The following UMAD1 variants were observed in gnomAD, a reference collection of about 807,000 sequenced individuals.
UMAD1 encodes UBAP1-MVB12-associated (UMA)-domain containing protein 1.
Under a neutral mutation model 6.1 loss-of-function variants are expected in UMAD1, and 8 were observed. That is an observed-to-expected ratio of 1.30 (90% CI 0.76 to 2.35). The LOEUF (loss-of-function observed/expected upper bound fraction) is 2.35, where lower values mean the gene tolerates loss of function less well. Ranked by LOEUF, UMAD1 falls within the 30% of genes most tolerant of loss-of-function variation. The pLI, the probability that UMAD1 is intolerant of heterozygous loss-of-function variation, is 0.00. For missense variants in UMAD1, 130 were observed against 78.4 expected, an observed-to-expected ratio of 1.66 and a Z score of -2.49; for synonymous variants, 56 against 31.4, an observed-to-expected ratio of 1.78 and a Z score of -2.61.
intron 3 of UMAD1, among the ~76,000 whole-genome samples, chr7:7,821,054 A>G (rs1783231934): frequency 6.6e-6 from 1 of 152,200 alleles, no homozygotes; most frequent in Non-Finnish European, 1.5e-5. Context: ...TTTTAGTGGT[A>G]TAGCTTTCTG....
chr7:7,849,676 T>C (rs66494541), intron 3 of UMAD1, among the ~76,000 whole-genome samples: 10,738 of 152,238 alleles, frequency 0.071, 468 homozygotes, highest in Admixed American at 0.15. Context: ...GAGTTTACCA[T>C]TTAGTAGGAG....
At chr7:7,863,368 T>G (rs1784149776) in intron 3 of UMAD1, among the ~76,000 whole-genome samples, 1 of 152,218 alleles carries the variant, frequency 6.6e-6, no homozygotes, top group South Asian at 2.1e-4. Flanking sequence ...ATACAAATGT[T>G]ATTTGTTATT....
In UMAD1 at chr7:7,644,919, T is replaced by C. The variant is rs540327077; in HGVS notation, c.-64+4098T>C. Reference sequence around the variant, plus strand: ...GATGTATTTCAGGAAAAGTAACACCTGAATGTCAACTCTTACTATCCTTGA... The same window carrying C: ...GATGTATTTCAGGAAAAGTAACACCCGAATGTCAACTCTTACTATCCTTGA... On this transcript the variant is annotated intron_variant, in intron 1 of 3. Coordinates refer to ENST00000682710, the MANE Select transcript of UMAD1 (RefSeq NM_001302348.2). 6.4e-4 allele frequency among the ~76,000 whole-genome samples: 97 copies of C among 152,348 alleles called. 1 individual carries two copies. The highest frequency in any genetic ancestry group is 6.8e-3 in the Middle Eastern group (2 of 294).
intron 2 of UMAD1, among the ~76,000 whole-genome samples, chr7:7,738,331 G>A (rs1261312482): frequency 6.6e-6 from 1 of 152,174 alleles, no homozygotes; most frequent in Non-Finnish European, 1.5e-5. Context: ...ATAAATCATT[G>A]CTGTATTCAT....
chr7:7,686,446 A>T (rs1272193802), intron 2 of UMAD1, among the ~76,000 whole-genome samples: 1 of 152,144 alleles, frequency 6.6e-6, no homozygotes, highest in Non-Finnish European at 1.5e-5. Context: ...TTTATTGACA[A>T]TTTTTTAAAA....
In UMAD1 at chr7:7,841,800, T is replaced by C. The variant is rs1406614262; in HGVS notation, c.157-35481T>C. Among the ~76,000 whole-genome samples the C allele has an allele frequency of 3.3e-5, 5 of 152,216 alleles. 1 individual carries two copies. Among genetic ancestry groups the C allele is most frequent in the South Asian group, 4.1e-4 (2 of 4,826 alleles). On this transcript the variant is annotated intron_variant, in intron 3 of 3. Transcript: ENST00000682710. ...GAGTAATGAGATACATCTCTCTCTT[T>C]ATATCCAACCAGATTTTAGCTTGCT...
At chr7:7,698,815 C>T (rs1469901115) in intron 2 of UMAD1, among the ~76,000 whole-genome samples, 3 of 151,916 alleles carry the variant, frequency 2.0e-5, no homozygotes, top group African/African-American at 7.3e-5. Flanking sequence ...GAGCCAAAAA[C>T]CAGACCATGA....
rs543414008 is a variant in UMAD1, at chr7:7,839,631, C to T, written c.157-37650C>T. Among the ~76,000 whole-genome samples the T allele has an allele frequency of 7.9e-5, 12 of 152,084 alleles. No homozygotes were observed. The South Asian group carries it at 1.7e-3, about 21-fold the overall frequency. On this transcript the variant is annotated intron_variant, in intron 3 of 3. Coordinates refer to ENST00000682710, the MANE Select transcript of UMAD1 (RefSeq NM_001302348.2). The stretch of plus-strand genomic sequence containing the variant: ...TGTTCGAATGCTAATAGGAATGATC[C>T]GGGAGAGAGGGGGAAAAGTCATAAT...
At chr7:7,819,343 A>G (rs1055864705) in intron 3 of UMAD1, among the ~76,000 whole-genome samples, 1 of 152,244 alleles carries the variant, frequency 6.6e-6, no homozygotes, top group African/African-American at 2.4e-5. Context: ...GATGTATCAA[A>G]TAACATTCAG....
At chr7:7,643,818 A>T (rs1426216856) in intron 1 of UMAD1, among the ~76,000 whole-genome samples, 1 of 151,662 alleles carries the variant, frequency 6.6e-6, no homozygotes, top group Admixed American at 6.6e-5. Flanking sequence ...TCTAACAAGC[A>T]CACCTTCCTT....
chr7:7,755,890 T>A (rs1488107406), intron 2 of UMAD1, among the ~76,000 whole-genome samples: 1 of 152,208 alleles, frequency 6.6e-6, no homozygotes, highest in Non-Finnish European at 1.5e-5. Flanking sequence ...ATTTGAAATC[T>A]CAAGGGATTC....
At chr7:7,722,729 T>A (rs1249726601) in intron 2 of UMAD1, among the ~76,000 whole-genome samples, 1 of 152,106 alleles carries the variant, frequency 6.6e-6, no homozygotes, top group Non-Finnish European at 1.5e-5. Context: ...AGACACAAGC[T>A]CTTATCATGT....
intron 2 of UMAD1, among the ~76,000 whole-genome samples, chr7:7,697,045 A>G (rs139378486): frequency 2.0e-5 from 3 of 152,310 alleles, no homozygotes; most frequent in African/African-American, 7.2e-5. Flanking sequence ...ACACATGCCA[A>G]GCAGTCAGCA....
chr7:7,749,674 G>A (rs888719390), intron 2 of UMAD1, among the ~76,000 whole-genome samples: 13 of 152,138 alleles, frequency 8.5e-5, no homozygotes, highest in South Asian at 2.1e-4. Flanking sequence ...AAAACTGGGC[G>A]TTGATATTTG....
chr7:7,695,907 A>C (rs997250516), intron 2 of UMAD1, among the ~76,000 whole-genome samples: 13 of 151,570 alleles, frequency 8.6e-5, no homozygotes, highest in African/African-American at 2.9e-4. Flanking sequence ...CCATGGCAGG[A>C]GTGTGAAACA....
At chr7:7,821,874 CAT>C (rs1252499313) in intron 3 of UMAD1, among the ~76,000 whole-genome samples, 1 of 152,092 alleles carries the variant, frequency 6.6e-6, no homozygotes, top group Non-Finnish European at 1.5e-5. Flanking sequence ...AGACCCAATT[CAT>C]GTTTTACTAT....
intron 2 of UMAD1, among the ~76,000 whole-genome samples, chr7:7,716,453 A>C (rs1173570814): frequency 6.6e-6 from 1 of 152,240 alleles, no homozygotes; most frequent in Non-Finnish European, 1.5e-5. Flanking sequence ...ATCGAGCTGC[A>C]GACATAGATA....
intron 2 of UMAD1, among the ~76,000 whole-genome samples, chr7:7,798,851 G>A (rs1030206861): frequency 6.6e-6 from 1 of 152,188 alleles, no homozygotes; most frequent in African/African-American, 2.4e-5. Context: ...CCTGTAAATT[G>A]GGGGTGGGCA....
rs137865676 is a variant in UMAD1 at position 7,764,705 on chromosome 7, A to G, written c.83-36965A>G. Among the ~76,000 whole-genome samples the G allele has an allele frequency of 1.4e-4, 22 of 152,328 alleles. No homozygotes were observed. In the East Asian group the frequency reaches 4.1e-3, roughly 28 times the overall value. ...AGGTCATATTTTTAATGTTGTCTAT[A>G]CTGGTCCAATTACTCTGCCCCTTGT... On this transcript the variant is annotated intron_variant, in intron 2 of 3. Transcript: ENST00000682710.
Sources: allele counts gnomAD v4.1 joint callset (sites outside exome capture counted in the v4.1 genomes callset), GRCh38; gene constraint gnomAD v4.1.1; transcripts MANE v1.5; gene names NCBI Gene and HGNC (gene_info 2026-07-23, HGNC 2026-07-21).